RAB7A: variants seen among roughly 807,000 people sequenced by gnomAD.
RAB7A encodes the protein RAB7A, member RAS oncogene family, also known as ras-related protein Rab-7a.
A neutral mutation model predicts 24.5 loss-of-function variants in RAB7A; 2 were observed. The ratio of observed to expected loss-of-function variants is 0.08; its 90% CI spans 0.03 to 0.26. RAB7A has a LOEUF of 0.26. RAB7A is among the 10% of genes least tolerant of loss of function. The probability of loss-of-function intolerance (pLI) is 1.00; values close to 1 mark genes in which losing one functional copy is unlikely to be tolerated. For missense variants in RAB7A, 118 were observed against 255.7 expected (o/e 0.46, Z 3.67); for synonymous variants, 100 against 95.9 (o/e 1.04, Z -0.25).
intron 1 of RAB7A, among the ~76,000 whole-genome samples, chr3:128,737,338 CTTTTTT>C (rs34916629): frequency 1.1e-5 from 1 of 90,030 alleles, no homozygotes; most frequent in Non-Finnish European, 2.0e-5. Flanking sequence ...CGCTCCCGGC[CTTTTTT>C]TTTTTTTTTT....
At chr3:128,795,625 C>T (rs559424405) in intron 2 of RAB7A, among the ~76,000 whole-genome samples, 4 of 152,030 alleles carry the variant, frequency 2.6e-5, no homozygotes, top group Non-Finnish European at 4.4e-5. Flanking sequence ...TTATGGGGAA[C>T]GGATGGCTAT....
chr3:128,756,052 A>T (rs910542842), intron 1 of RAB7A, among the ~76,000 whole-genome samples: 1 of 152,240 alleles, frequency 6.6e-6, no homozygotes, highest in Non-Finnish European at 1.5e-5. Context: ...TAACATTAAC[A>T]ACGGGCCGGG....
chr3:128,813,852 A>C lies in RAB7A; in HGVS notation c.*430A>C, dbSNP rs1576307059. On this transcript the variant is annotated 3_prime_UTR_variant, in exon 6 of 6. Coordinates refer to ENST00000265062, the MANE Select transcript of RAB7A (RefSeq NM_004637.6). ...TTTTTATTGGTCTTGTGGTCTTTTT[A>C]CCCCCCCTTTCCCCTCCCTCCTTGA... The C allele has an allele frequency of 2.5e-5, 6 of 240,902 alleles. No homozygotes were observed. The highest frequency in any genetic ancestry group is 1.0e-4 in the South Asian group (2 of 20,000). 14.9% of individuals were successfully genotyped at this position (240,902 alleles called of 1,614,324 possible).
At chr3:128,776,590 C>T (rs1402846933) in intron 1 of RAB7A, among the ~76,000 whole-genome samples, 3 of 152,138 alleles carry the variant, frequency 2.0e-5, no homozygotes, top group Non-Finnish European at 4.4e-5. Flanking sequence ...TGACCAACTA[C>T]GTTTTCTTGA....
At position 128,813,824 on chromosome 3, in the gene RAB7A, T is replaced by A. The variant is rs950767971; in HGVS notation, c.*402T>A. 46 of 281,486 alleles carry A rather than the reference T, an allele frequency of 1.6e-4. 1 individual carries two copies. Among genetic ancestry groups the A allele is most frequent in the Admixed American group, 6.1e-4 (13 of 21,294 alleles). The allele number at this position is 281,486 out of a possible 1,614,324, so 17.4% of individuals were successfully genotyped here. On this transcript the variant is annotated 3_prime_UTR_variant, in exon 6 of 6. Coordinates refer to ENST00000265062, the MANE Select transcript of RAB7A (RefSeq NM_004637.6). ...AGTTAATCTGTGTCTAATTATCTGA[T>A]TTTTTTTATTGGTCTTGTGGTCTTT...
intron 1 of RAB7A, among the ~76,000 whole-genome samples, chr3:128,787,894 G>A (rs12489126): frequency 1.3e-5 from 2 of 152,150 alleles, no homozygotes; most frequent in Non-Finnish European, 2.9e-5. Context: ...TAAATATTTT[G>A]TAGCGACTGG....
At chr3:128,727,626 C>T (rs953971058) in intron 1 of RAB7A, among the ~76,000 whole-genome samples, 1 of 152,224 alleles carries the variant, frequency 6.6e-6, no homozygotes, top group Non-Finnish European at 1.5e-5. Context: ...GCAGGTAGGC[C>T]TGGCAAACCT....
At chr3:128,754,818 A>G (rs2070716216) in intron 1 of RAB7A, among the ~76,000 whole-genome samples, 1 of 152,214 alleles carries the variant, frequency 6.6e-6, no homozygotes, top group African/African-American at 2.4e-5. Context: ...GACATTATAT[A>G]TTAATAAAAG....
intron 1 of RAB7A, among the ~76,000 whole-genome samples, chr3:128,733,590 C>T (rs1260710083): frequency 6.6e-6 from 1 of 152,048 alleles, no homozygotes; most frequent in Non-Finnish European, 1.5e-5. Flanking sequence ...CTTCTGAAGC[C>T]TCTCCTTGGT....
At chr3:128,760,903 A>G (rs1397747053) in intron 1 of RAB7A, among the ~76,000 whole-genome samples, 1 of 152,228 alleles carries the variant, frequency 6.6e-6, no homozygotes, top group African/African-American at 2.4e-5. Flanking sequence ...TTATCCCTTA[A>G]AAAGCTTCAT....
At chr3:128,808,779 T>C (rs1352032430) in intron 5 of RAB7A, among the ~76,000 whole-genome samples, 1 of 152,080 alleles carries the variant, frequency 6.6e-6, no homozygotes, top group Non-Finnish European at 1.5e-5. Context: ...ATGGTGGCTG[T>C]GAAGGGCAAG....
chr3:128,739,436 C>T (rs560388049), intron 1 of RAB7A, among the ~76,000 whole-genome samples: 1 of 151,756 alleles, frequency 6.6e-6, no homozygotes, highest in Non-Finnish European at 1.5e-5. Context: ...TTGCTTGAAC[C>T]TGAGAGGCAG....
At chr3:128,786,519 AC>A (rs1933345600) in intron 1 of RAB7A, among the ~76,000 whole-genome samples, 1 of 152,198 alleles carries the variant, frequency 6.6e-6, no homozygotes, top group African/African-American at 2.4e-5. Context: ...ATGGTCATAT[AC>A]AGAGCATGAA....
chr3:128,770,061 G>A (rs568585234), intron 1 of RAB7A, among the ~76,000 whole-genome samples: 1 of 150,448 alleles, frequency 6.6e-6, no homozygotes, highest in African/African-American at 2.4e-5. Flanking sequence ...GGAGTGCAGT[G>A]GCGCGATCTC....
At chr3:128,763,129 C>T (rs1014858477) in intron 1 of RAB7A, among the ~76,000 whole-genome samples, 1 of 148,870 alleles carries the variant, frequency 6.7e-6, no homozygotes, top group Non-Finnish European at 1.5e-5. Context: ...ATGTATTTCT[C>T]TATCCCCACT....
At chr3:128,798,843 A>G (rs1425940432) in intron 3 of RAB7A, 5 of 254,328 alleles carry the variant, frequency 2.0e-5, no homozygotes, top group South Asian at 4.1e-5. Flanking sequence ...AAAAAAAAAA[A>G]AAGAATCCCA....
At chr3:128,744,479 T>G (rs2070588707) in intron 1 of RAB7A, among the ~76,000 whole-genome samples, 1 of 152,206 alleles carries the variant, frequency 6.6e-6, no homozygotes, top group African/African-American at 2.4e-5. Flanking sequence ...ATATGATGCA[T>G]TATTATCGAC....
rs79009412 is a variant in RAB7A at position 128,731,400 on chromosome 3, C to T, written c.-9+5041C>T. Among the ~76,000 whole-genome samples the T allele has an allele frequency of 6.5e-3, 994 of 152,358 alleles. 12 individuals are homozygous for T. The highest frequency in any genetic ancestry group is 0.022 in the African/African-American group (931 of 41,586). On this transcript the variant is annotated intron_variant, in intron 1 of 5. Coordinates refer to ENST00000265062, the MANE Select transcript of RAB7A (RefSeq NM_004637.6). ...AACTGCGGGTCATTTAAAACCCACT[C>T]TTAAATCCTCTGACCTGCACCATGT...
intron 1 of RAB7A, among the ~76,000 whole-genome samples, chr3:128,768,183 A>G (rs1258866834): frequency 3.3e-5 from 5 of 152,156 alleles, no homozygotes; most frequent in African/African-American, 4.8e-5. Flanking sequence ...CTTTAAGTAT[A>G]CTGTGTATTT....
Sources: allele counts gnomAD v4.1 joint callset (sites outside exome capture counted in the v4.1 genomes callset), GRCh38; gene constraint gnomAD v4.1.1; transcripts MANE v1.5; gene names NCBI Gene and HGNC (gene_info 2026-07-23, HGNC 2026-07-21).